Variants in LUZP2 observed in about 807,000 individuals in gnomAD.
LUZP2 encodes leucine zipper protein 2.
A neutral mutation model predicts 51.6 loss-of-function variants in LUZP2; 52 were observed. That is an observed-to-expected ratio of 1.01 (90% confidence interval 0.81 to 1.27). The LOEUF (loss-of-function observed/expected upper bound fraction) is 1.27, where lower values mean the gene tolerates loss of function less well. LUZP2 is among the 50% of genes most tolerant of loss of function. LUZP2 has a pLI of 0.00. For synonymous variants in LUZP2, 154 were observed against 137.3 expected, an observed-to-expected ratio of 1.12 and a Z score of -0.85; for missense variants, 436 against 395.4, an observed-to-expected ratio of 1.10 and a Z score of -0.87.
intron 1 of LUZP2, among the ~76,000 whole-genome samples, chr11:24,511,370 A>G (rs189238914): frequency 1.7e-3 from 261 of 152,174 alleles, no homozygotes; most frequent in Non-Finnish European, 2.8e-3. Context: ...GTGATGTGAA[A>G]GCTGGTGTCT....
At chr11:24,748,180 G>T (rs4134407) in intron 4 of LUZP2, among the ~76,000 whole-genome samples, 2 of 152,216 alleles carry the variant, frequency 1.3e-5, no homozygotes, top group Admixed American at 1.3e-4. Context: ...TGCCAGGCAG[G>T]AATGGCCTGC....
At chr11:24,724,289 G>C (rs74580572) in intron 1 of LUZP2, among the ~76,000 whole-genome samples, 14,653 of 152,162 alleles carry the variant, frequency 0.096, 988 homozygotes, top group East Asian at 0.3. Flanking sequence ...TCAAAGACAA[G>C]CCAGGGGTCA....
chr11:24,528,726 A>G (rs1850898317), intron 1 of LUZP2, among the ~76,000 whole-genome samples: 1 of 151,190 alleles, frequency 6.6e-6, no homozygotes, highest in East Asian at 1.9e-4. Context: ...ACAGAGACGA[A>G]CTAAAATGTG....
At chr11:24,719,073 G>A (rs915071840) in intron 1 of LUZP2, among the ~76,000 whole-genome samples, 2 of 152,230 alleles carry the variant, frequency 1.3e-5, no homozygotes, top group Non-Finnish European at 2.9e-5. Flanking sequence ...CCCCAGGGCA[G>A]ATGGCCTTGA....
Position 24,888,072 on chromosome 11 carries a change from T to C in LUZP2, c.397-17919T>C, listed in dbSNP as rs187650007. On this transcript the variant is annotated intron_variant, in intron 5 of 11. Transcript: ENST00000336930. ...ACACATTTACATAATTTATTATATT[T>C]GGAAATTTTAAATGGTCCCAGATCA... Among the ~76,000 whole-genome samples the C allele has an allele frequency of 2.1e-3, 321 of 152,362 alleles. 3 individuals are homozygous for C. Among genetic ancestry groups the C allele is most frequent in the African/African-American group, 7.3e-3 (305 of 41,596 alleles).
At chr11:24,610,622 A>G (rs1489509231) in intron 1 of LUZP2, among the ~76,000 whole-genome samples, 1 of 152,184 alleles carries the variant, frequency 6.6e-6, no homozygotes, top group Non-Finnish European at 1.5e-5. Flanking sequence ...GTTCTACTTA[A>G]AGAGTAAACT....
At chr11:24,500,284 G>A (rs1590106692) in intron 1 of LUZP2, among the ~76,000 whole-genome samples, 2 of 152,034 alleles carry the variant, frequency 1.3e-5, no homozygotes, top group South Asian at 2.1e-4. Context: ...CTGGCATATG[G>A]TCTCTCCTGC....
At chr11:24,864,647 A>T (rs1211194596) in intron 5 of LUZP2, among the ~76,000 whole-genome samples, 1 of 152,196 alleles carries the variant, frequency 6.6e-6, no homozygotes, top group Admixed American at 6.6e-5. Flanking sequence ...ATTCCATGTT[A>T]GTGAAAAAGA....
rs551844873 is a variant in LUZP2 at position 24,812,705 on chromosome 11, C to T, written c.396+49397C>T. Among the ~76,000 whole-genome samples the T allele has an allele frequency of 2.6e-5, 4 of 152,170 alleles. No individual in the cohort carries two copies. In the South Asian group the frequency reaches 8.3e-4, roughly 32 times the overall value. Reference sequence around the variant, plus strand: ...GAAGGGAGACATTATGTGGGTTTTGCTCTGTGTTTTTTGTTTGTTTGTTTT... The same window carrying T: ...GAAGGGAGACATTATGTGGGTTTTGTTCTGTGTTTTTTGTTTGTTTGTTTT... On this transcript the variant is annotated intron_variant, in intron 5 of 11. Transcript: ENST00000336930.
intron 1 of LUZP2, among the ~76,000 whole-genome samples, chr11:24,500,978 C>A (rs1849975171): frequency 1.3e-5 from 2 of 152,146 alleles, no homozygotes; most frequent in African/African-American, 4.8e-5. Flanking sequence ...ACAATAAACA[C>A]AATGAGAACA....
At chr11:24,593,192 G>A (rs1858157) in intron 1 of LUZP2, among the ~76,000 whole-genome samples, 150,142 of 152,276 alleles carry the variant, frequency 0.99, 74,045 homozygotes, top group South Asian at 1. Context: ...ACTCCCTAGC[G>A]CTGTATTTCC....
chr11:24,960,925 C>T (rs1855377674), intron 7 of LUZP2, among the ~76,000 whole-genome samples: 1 of 151,902 alleles, frequency 6.6e-6, no homozygotes, highest in South Asian at 2.1e-4. Context: ...TGAATGTGTC[C>T]CAGAGATTGT....
chr11:24,936,684 C>T (rs1854597633), intron 7 of LUZP2, among the ~76,000 whole-genome samples: 1 of 151,978 alleles, frequency 6.6e-6, no homozygotes, highest in East Asian at 1.9e-4. Flanking sequence ...TCCCCATGGT[C>T]CTCTTGTATT....
At chr11:24,595,954 T>A (rs1853431639) in intron 1 of LUZP2, among the ~76,000 whole-genome samples, 1 of 152,196 alleles carries the variant, frequency 6.6e-6, no homozygotes, top group African/African-American at 2.4e-5. Context: ...GTAACATATT[T>A]ATCTCAGTTT....
intron 5 of LUZP2, among the ~76,000 whole-genome samples, chr11:24,813,502 A>C (rs12285518): frequency 0.017 from 2,525 of 152,228 alleles, 72 homozygotes; most frequent in African/African-American, 0.058. Flanking sequence ...AGAGAGAGAA[A>C]GAGAGAGAGA....
intron 1 of LUZP2, among the ~76,000 whole-genome samples, chr11:24,654,986 C>CA (rs1398588480): frequency 6.6e-6 from 1 of 151,792 alleles, no homozygotes; most frequent in Non-Finnish European, 1.5e-5. Flanking sequence ...TAAAATGAGC[C>CA]AAAAAACATA....
chr11:24,708,225 G>A (rs994026887), intron 1 of LUZP2, among the ~76,000 whole-genome samples: 2 of 152,094 alleles, frequency 1.3e-5, no homozygotes, highest in African/African-American at 4.8e-5. Flanking sequence ...ATCCAACAGG[G>A]TGAATATTCT....
At chr11:24,961,427 G>A (rs950816065) in intron 7 of LUZP2, among the ~76,000 whole-genome samples, 24 of 152,146 alleles carry the variant, frequency 1.6e-4, no homozygotes. Flanking sequence ...GAATCTGGGT[G>A]CTCCTGTATT....
At chr11:24,655,253 T>C (rs536828940) in intron 1 of LUZP2, among the ~76,000 whole-genome samples, 3 of 152,336 alleles carry the variant, frequency 2.0e-5, no homozygotes, top group East Asian at 3.9e-4. Flanking sequence ...TTGTTAAAGA[T>C]ATGAAAATGA....
Sources: gnomAD v4.1 joint callset for allele counts (sites outside exome capture counted in the v4.1 genomes callset) on GRCh38, gnomAD v4.1.1 for gene constraint, MANE v1.5 for transcripts, NCBI Gene and HGNC (gene_info 2026-07-23, HGNC 2026-07-21) for gene names.